GGTA1: variants seen among roughly 807,000 people sequenced by gnomAD.
GGTA1 encodes the protein inactive N-acetyllactosaminide alpha-1,3-galactosyltransferase.
In GGTA1, 5 loss-of-function variants were observed where a neutral mutation model predicts 2.6. The observed-to-expected ratio is 1.92, with a 90% CI of 1.00 to 4.04. The LOEUF (loss-of-function observed/expected upper bound fraction) is 4.04. Ranked by LOEUF, GGTA1 falls within the 30% of genes most tolerant of loss-of-function variation. The pLI is 0.00. For synonymous variants in GGTA1, 17 were observed against 5.0 expected (o/e 3.38, Z -3.19); for missense variants, 50 against 16.7 (o/e 2.99, Z -3.47).
At chr9:121,486,132 C>G (rs1828749426) in intron 1 of GGTA1, among the ~76,000 whole-genome samples, 1 of 152,228 alleles carries the variant, frequency 6.6e-6, no homozygotes, top group Non-Finnish European at 1.5e-5. Flanking sequence ...TCACCTAAAA[C>G]TCCACTTGAG....
chr9:121,457,723 A>G (rs570172976), intron 5 of GGTA1, among the ~76,000 whole-genome samples: 29 of 149,598 alleles, frequency 1.9e-4, no homozygotes, highest in African/African-American at 7.1e-4. Context: ...AAAACAGTAT[A>G]TAAAGAACAG....
At chr9:121,472,520 A>G (rs1828414423) in intron 1 of GGTA1, among the ~76,000 whole-genome samples, 1 of 152,238 alleles carries the variant, frequency 6.6e-6, no homozygotes, top group Non-Finnish European at 1.5e-5. Context: ...AACAGATTTG[A>G]AGGAAAGAAA....
chr9:121,449,261 T>C (rs1040041064), intron 7 of GGTA1, among the ~76,000 whole-genome samples: 1 of 152,342 alleles, frequency 6.6e-6, no homozygotes, highest in Non-Finnish European at 1.5e-5. Flanking sequence ...TAAATATCCA[T>C]GTGCAGGTTT....
chr9:121,473,940 GGAGA>G (rs761577056), intron 1 of GGTA1, among the ~76,000 whole-genome samples: 49 of 122,450 alleles, frequency 4.0e-4, no homozygotes, highest in African/African-American at 9.5e-4. Flanking sequence ...AAAGAGAGAA[GGAGA>G]GAGAGAGAGA....
intron 4 of GGTA1, among the ~76,000 whole-genome samples, chr9:121,461,050 C>T (rs1250571709): frequency 2.0e-5 from 3 of 152,194 alleles, no homozygotes; most frequent in Non-Finnish European, 4.4e-5. Flanking sequence ...GCACTCCAGC[C>T]TGAGTGACAG....
chr9:121,497,182 G>A (rs1829013286), intron 1 of GGTA1, among the ~76,000 whole-genome samples: 2 of 152,016 alleles, frequency 1.3e-5, no homozygotes, highest in Non-Finnish European at 2.9e-5. Context: ...AACAGAGGGA[G>A]ACTGTCTCAA....
At chr9:121,497,910 C>A (rs1176708364) in intron 1 of GGTA1, among the ~76,000 whole-genome samples, 2 of 152,152 alleles carry the variant, frequency 1.3e-5, no homozygotes, top group South Asian at 4.1e-4. Context: ...CTGCTCAGAG[C>A]CACCATGGCC....
intron 1 of GGTA1, among the ~76,000 whole-genome samples, chr9:121,473,975 G>T (rs528687290): frequency 6.8e-6 from 1 of 146,816 alleles, no homozygotes. Context: ...GAGGGAGGGA[G>T]AGAGAGAGAG....
At chr9:121,493,163 A>T (rs1258038891) in intron 1 of GGTA1, among the ~76,000 whole-genome samples, 1 of 150,672 alleles carries the variant, frequency 6.6e-6, no homozygotes, top group Non-Finnish European at 1.5e-5. Context: ...AACTGATTGC[A>T]GGACAGGATC....
intron 1 of GGTA1, among the ~76,000 whole-genome samples, chr9:121,482,024 C>G (rs866031749): frequency 6.6e-5 from 10 of 151,524 alleles, no homozygotes; most frequent in Non-Finnish European, 1.2e-4. Flanking sequence ...TAAAAAGTAA[C>G]AGAAATCAGA....
chr9:121,458,881 T>C (rs1380723650), intron 5 of GGTA1, among the ~76,000 whole-genome samples: 1 of 152,134 alleles, frequency 6.6e-6, no homozygotes, highest in Non-Finnish European at 1.5e-5. Flanking sequence ...GAAGGGACTT[T>C]GGGGACCATC....
exon 8 of GGTA1, chr9:121,445,565 C>T (rs1018195092): frequency 3.9e-5 from 6 of 152,064 alleles, no homozygotes; most frequent in African/African-American, 1.4e-4. Context: ...TCTCCTAACT[C>T]CCTTTACATT....
At chr9:121,490,305 A>G (rs1227970301) in intron 1 of GGTA1, among the ~76,000 whole-genome samples, 1 of 152,230 alleles carries the variant, frequency 6.6e-6, no homozygotes, top group Non-Finnish European at 1.5e-5. Context: ...AAAGTGCTCA[A>G]TGTCAGGCTG....
chr9:121,450,247 A>C (rs953278228), downstream of GGTA1, among the ~76,000 whole-genome samples: 7 of 150,248 alleles, frequency 4.7e-5, no homozygotes, highest in Non-Finnish European at 8.9e-5. Context: ...CTCTGTGGCT[A>C]GTGGCCAGGA....
At chr9:121,486,844 G>T (rs143823830) in intron 1 of GGTA1, among the ~76,000 whole-genome samples, 42 of 152,308 alleles carry the variant, frequency 2.8e-4, no homozygotes, top group African/African-American at 9.6e-4. Context: ...AGCTATAATT[G>T]TCTCATTATT....
exon 8 of GGTA1, chr9:121,447,340 A>T (rs2064856768): frequency 6.5e-6 from 1 of 152,674 alleles, no homozygotes; most frequent in African/African-American, 2.4e-5. Context: ...GTCCACATCC[A>T]TGCAGAAGAG....
At chr9:121,491,906 C>T (rs567761421) in intron 1 of GGTA1, among the ~76,000 whole-genome samples, 3 of 152,176 alleles carry the variant, frequency 2.0e-5, no homozygotes, top group Non-Finnish European at 2.9e-5. Context: ...CATGCTCAGC[C>T]ATGTGCAACT....
chr9:121,451,087 A>T (rs2064875968), downstream of GGTA1, among the ~76,000 whole-genome samples: 1 of 150,558 alleles, frequency 6.6e-6, no homozygotes, highest in Non-Finnish European at 1.5e-5. Flanking sequence ...AAAAAAAAAT[A>T]GGAAAATTGG....
At chr9:121,497,149 C>T (rs1379353631) in intron 1 of GGTA1, among the ~76,000 whole-genome samples, 3 of 151,828 alleles carry the variant, frequency 2.0e-5, no homozygotes, top group African/African-American at 7.3e-5. Context: ...GTCAAGATAG[C>T]ATCACTGCAC....
Sources: gnomAD v4.1 joint callset for allele counts (sites outside exome capture counted in the v4.1 genomes callset) on GRCh38, gnomAD v4.1.1 for gene constraint, MANE v1.5 for transcripts, NCBI Gene and HGNC (gene_info 2026-07-23, HGNC 2026-07-21) for gene names.